Variants in MED27 observed in about 807,000 individuals in gnomAD.
MED27 encodes mediator complex subunit 27, also known as mediator of RNA polymerase II transcription subunit 27.
In MED27, 30 loss-of-function variants were observed where a neutral mutation model predicts 38.2. The observed-to-expected ratio is 0.79, with a 90% CI of 0.59 to 1.07. MED27 has a LOEUF of 1.07. Ranked by LOEUF, MED27 falls within the 50% of genes least tolerant of loss-of-function variation. The probability of loss-of-function intolerance (pLI) is 0.00; values close to 1 mark genes in which losing one functional copy is unlikely to be tolerated. For missense variants in MED27, 289 were observed against 397.5 expected, an observed-to-expected ratio of 0.73 and a Z score of 2.32; for synonymous variants, 122 against 153.5, an observed-to-expected ratio of 0.79 and a Z score of 1.52.
At chr9:132,024,154 C>T (rs1471451004) in intron 2 of MED27, among the ~76,000 whole-genome samples, 1 of 152,158 alleles carries the variant, frequency 6.6e-6, no homozygotes, top group Non-Finnish European at 1.5e-5. Flanking sequence ...GTTTTTCCTC[C>T]CTTCTGAGCC....
At chr9:131,866,625 A>T (rs1838741320) in intron 6 of MED27, among the ~76,000 whole-genome samples, 1 of 152,180 alleles carries the variant, frequency 6.6e-6, no homozygotes, top group Non-Finnish European at 1.5e-5. Flanking sequence ...GCCTTGGGCG[A>T]GGCACTTCAT....
rs925998696 is a variant in MED27, at chr9:132,017,711, A to G, written c.349-3244T>C. Among the ~76,000 whole-genome samples the G allele has an allele frequency of 7.9e-5, 12 of 152,190 alleles. 1 individual carries two copies. In the East Asian group the frequency reaches 2.3e-3, roughly 29 times the overall value. On this transcript the variant is annotated intron_variant, in intron 2 of 7. Transcript: ENST00000292035. ...CAGTGTTCTCTGGATTTTTTAGAGTATTTCTCTCAGTTACAATTTCACTAT... is the reference window on the plus strand; with the variant it reads ...CAGTGTTCTCTGGATTTTTTAGAGTGTTTCTCTCAGTTACAATTTCACTAT...
intron 3 of MED27, among the ~76,000 whole-genome samples, chr9:131,952,212 G>A (rs1000957777): frequency 6.6e-6 from 1 of 152,206 alleles, no homozygotes. Context: ...GGAGAAGCAC[G>A]AGGCCAAGGG....
rs540329783 is a variant in MED27 at position 131,953,971 on chromosome 9, C to T, written c.480-14497G>A. Reference sequence around the variant, plus strand: ...TAGTTAGGATTACAGGCCCCTACCACCACACCCGGTTAATTTTTGACAGGG... The same window carrying T: ...TAGTTAGGATTACAGGCCCCTACCATCACACCCGGTTAATTTTTGACAGGG... On this transcript the variant is annotated intron_variant, in intron 3 of 7. Transcript: ENST00000292035. 8.5e-5 allele frequency among the ~76,000 whole-genome samples: 13 copies of T among 152,164 alleles called. No homozygotes were observed. In the South Asian group the frequency reaches 1.5e-3, roughly 17 times the overall value.
intron 4 of MED27, among the ~76,000 whole-genome samples, chr9:131,898,531 T>C (rs1039846388): frequency 1.3e-5 from 2 of 150,878 alleles, no homozygotes; most frequent in African/African-American, 4.9e-5. Flanking sequence ...TTATTTTTTA[T>C]AGAGCCAAAA....
chr9:131,999,688 A>G (rs1371310834), intron 3 of MED27, among the ~76,000 whole-genome samples: 2 of 152,250 alleles, frequency 1.3e-5, no homozygotes. Context: ...AAGAAGAGCA[A>G]GAATCTAGAC....
intron 2 of MED27, among the ~76,000 whole-genome samples, chr9:132,044,455 G>A (rs1833287678): frequency 6.6e-6 from 1 of 152,230 alleles, no homozygotes; most frequent in Non-Finnish European, 1.5e-5. Context: ...GAGGGAGAAG[G>A]AGACAGAGAT....
intron 6 of MED27, 135 bp from the exon 7 acceptor site, chr9:131,863,275 C>A (rs1838681514): frequency 1.4e-6 from 1 of 710,232 alleles, no homozygotes; most frequent in Non-Finnish European, 2.3e-6. Flanking sequence ...AAAATAAAAT[C>A]TCTGTAGAAA....
At chr9:131,945,962 A>G (rs1049787073) in intron 3 of MED27, among the ~76,000 whole-genome samples, 2 of 134,348 alleles carry the variant, frequency 1.5e-5, no homozygotes, top group African/African-American at 5.6e-5. Context: ...ATCAGACCCT[A>G]TCTCTTAAAA....
At chr9:132,035,902 C>A (rs1213282966) in intron 2 of MED27, among the ~76,000 whole-genome samples, 4 of 151,986 alleles carry the variant, frequency 2.6e-5, no homozygotes, top group African/African-American at 9.7e-5. Context: ...GAAGTGGAGG[C>A]TGCAGTGAGC....
intron 3 of MED27, among the ~76,000 whole-genome samples, chr9:131,961,767 C>G (rs1831220851): frequency 6.6e-6 from 1 of 152,206 alleles, no homozygotes; most frequent in South Asian, 2.1e-4. Flanking sequence ...TCCACAGGGG[C>G]CCTAAACACT....
At chr9:131,866,739 G>C (rs545701415) in intron 6 of MED27, among the ~76,000 whole-genome samples, 7 of 152,338 alleles carry the variant, frequency 4.6e-5, no homozygotes, top group African/African-American at 1.7e-4. Context: ...AGCGTGTGCT[G>C]GTCAGAAAAC....
At chr9:131,910,636 G>A (rs967735279) in intron 4 of MED27, among the ~76,000 whole-genome samples, 2 of 152,188 alleles carry the variant, frequency 1.3e-5, no homozygotes, top group African/African-American at 4.8e-5. Context: ...GATTTGAAGT[G>A]CAGATGTCCT....
intron 3 of MED27, among the ~76,000 whole-genome samples, chr9:131,952,971 CAT>C (rs1006931640): frequency 5.3e-5 from 8 of 152,334 alleles, no homozygotes; most frequent in African/African-American, 1.7e-4. Context: ...AAATAAAACA[CAT>C]GACATTAAAA....
At chr9:131,922,231 C>T (rs879857528) in intron 4 of MED27, among the ~76,000 whole-genome samples, 4 of 151,968 alleles carry the variant, frequency 2.6e-5, no homozygotes, top group Admixed American at 6.5e-5. Context: ...AGCTTTCCCA[C>T]AGCTATTGTT....
At chr9:131,884,605 CTTTTTTTTTTT>C (rs11331082) in intron 5 of MED27, among the ~76,000 whole-genome samples, 1 of 122,706 alleles carries the variant, frequency 8.1e-6, no homozygotes, top group African/African-American at 3.2e-5. Context: ...ATTCTCTTTA[CTTTTTTTTTTT>C]TTTTTTTTTG....
At chr9:132,074,239 T>C (rs1486658653) in intron 2 of MED27, among the ~76,000 whole-genome samples, 1 of 152,228 alleles carries the variant, frequency 6.6e-6, no homozygotes, top group African/African-American at 2.4e-5. Context: ...CATCATTCCA[T>C]TAGATGGGAT....
At chr9:131,882,663 C>T (rs1564267214) in intron 6 of MED27, among the ~76,000 whole-genome samples, 1 of 152,192 alleles carries the variant, frequency 6.6e-6, no homozygotes, top group Admixed American at 6.5e-5. Flanking sequence ...CTGAGCCCTG[C>T]CTTCTACCTC....
intron 6 of MED27, among the ~76,000 whole-genome samples, chr9:131,882,329 T>C (rs913495527): frequency 2.0e-5 from 3 of 152,162 alleles, no homozygotes; most frequent in African/African-American, 4.8e-5. Context: ...CACTGCTCAA[T>C]GCACACCAGA....
Sources: gnomAD v4.1 joint callset for allele counts (sites outside exome capture counted in the v4.1 genomes callset) on GRCh38, gnomAD v4.1.1 for gene constraint, MANE v1.5 for transcripts, NCBI Gene and HGNC (gene_info 2026-07-23, HGNC 2026-07-21) for gene names.